RMND5A: variants seen among roughly 807,000 people sequenced by gnomAD.
RMND5A encodes required for meiotic nuclear division 5 homolog A.
Under a neutral mutation model 49.7 loss-of-function variants are expected in RMND5A, and 17 were observed. The ratio of observed to expected loss-of-function variants is 0.34; its 90% CI spans 0.23 to 0.51. RMND5A has a LOEUF of 0.51. Ranked by LOEUF, RMND5A falls within the 20% of genes least tolerant of loss-of-function variation. The pLI is 0.96. For synonymous variants in RMND5A, 156 were observed against 167.7 expected (o/e 0.93, Z 0.54); for missense variants, 255 against 471.3 (o/e 0.54, Z 4.25).
At chr2:86,752,069 A>C (rs1210130820) in intron 3 of RMND5A, 39 bp downstream of exon 3, 3 of 1,603,530 alleles carry the variant, frequency 1.9e-6, no homozygotes, top group Admixed American at 3.4e-5. Context: ...AAAAAGAAAC[A>C]AGGGAACTCC....
rs1672767890 is a variant in RMND5A, at chr2:86,776,312, CTT to C, written c.*2903_*2904del. 1 of 152,028 alleles carries C rather than the reference CTT, an allele frequency of 6.6e-6. No homozygotes were observed. The highest frequency in any genetic ancestry group is 1.5e-5 in the Non-Finnish European group (1 of 68,000). The allele number at this position is 152,028 out of a possible 1,614,324, so 9.4% of individuals were successfully genotyped here. ...CATAAATGAACGGGTATTGGTGCCT[CTT>C]TATTTTAAAAAATTTGAAGAAAAGA... On this transcript the variant is annotated 3_prime_UTR_variant, in exon 9 of 9. Transcript: ENST00000283632.
chr2:86,750,956 A>G (rs532070957), intron 2 of RMND5A, among the ~76,000 whole-genome samples: 11 of 152,038 alleles, frequency 7.2e-5, no homozygotes, highest in African/African-American at 2.7e-4. Flanking sequence ...TTGTATTTTT[A>G]TAATAACTGC....
At position 86,753,911 on chromosome 2, in the gene RMND5A, G is replaced by T. The variant is rs866436676; in HGVS notation, c.521+353G>T. 5.3e-5 allele frequency among the ~76,000 whole-genome samples: 8 copies of T among 152,286 alleles called. 1 individual carries two copies. Among genetic ancestry groups the T allele is most frequent in the Middle Eastern group, 6.8e-3 (2 of 294 alleles). On this transcript the variant is annotated intron_variant, in intron 4 of 8. Coordinates refer to ENST00000283632, the MANE Select transcript of RMND5A (RefSeq NM_022780.4). ...AAGCTTCCTTCATGTGCTGGGTTTT[G>T]CTGGGTTTTATGCTAGCATTCTAAG... is the stretch of plus-strand genomic sequence containing the variant.
rs1681331708 is a variant in RMND5A at position 86,729,694 on chromosome 2, GC to G, written c.142+8886del. Among the ~76,000 whole-genome samples, 2 of 93,338 alleles carry G rather than the reference GC, an allele frequency of 2.1e-5. 1 individual carries two copies. The highest frequency in any genetic ancestry group is 5.2e-5 in the Non-Finnish European group (2 of 38,578). The allele number at this position is 93,338 out of a possible 152,430, so 61.2% of individuals were successfully genotyped here. A position where few individuals can be genotyped will look rare whatever the true frequency, so the allele number is the denominator to read the frequency against. On this transcript the variant is annotated intron_variant, in intron 1 of 8. Coordinates refer to ENST00000283632, the MANE Select transcript of RMND5A (RefSeq NM_022780.4). ...GATGGAGTGCCTGGAGGGGAGGATGGCAAGAACAAAGGTGTAGAGGAGTGAG... is the reference window on the plus strand; with the variant it reads ...GATGGAGTGCCTGGAGGGGAGGATGGAAGAACAAAGGTGTAGAGGAGTGAG...
At chr2:86,767,686 A>C (rs560824544) in intron 6 of RMND5A, among the ~76,000 whole-genome samples, 35 of 152,364 alleles carry the variant, frequency 2.3e-4, no homozygotes, top group Middle Eastern at 3.4e-3. Context: ...AGTACAAGAC[A>C]GACAAATGGA....
At chr2:86,747,745 T>C (rs1681561969) in intron 2 of RMND5A, among the ~76,000 whole-genome samples, 1 of 152,192 alleles carries the variant, frequency 6.6e-6, no homozygotes, top group South Asian at 2.1e-4. Context: ...GAGAAACGGA[T>C]GGGTTTTTGA....
intron 4 of RMND5A, among the ~76,000 whole-genome samples, chr2:86,761,146 A>G (rs1672481568): frequency 6.6e-6 from 1 of 152,178 alleles, no homozygotes; most frequent in African/African-American, 2.4e-5. Flanking sequence ...GACTAAAGCT[A>G]TCTGAGGAAG....
chr2:86,767,541 G>T (rs1672621799), intron 6 of RMND5A, among the ~76,000 whole-genome samples: 1 of 151,566 alleles, frequency 6.6e-6, no homozygotes, highest in Non-Finnish European at 1.5e-5. Flanking sequence ...TCAGGCTCCT[G>T]AGTAGCTGGG....
chr2:86,751,052 C>T (rs1681625791), intron 2 of RMND5A, among the ~76,000 whole-genome samples: 1 of 152,058 alleles, frequency 6.6e-6, no homozygotes, highest in Non-Finnish European at 1.5e-5. Flanking sequence ...TTGAGATTTT[C>T]TTGGTTCTTT....
intron 6 of RMND5A, among the ~76,000 whole-genome samples, chr2:86,768,289 T>C (rs996952083): frequency 1.3e-5 from 2 of 152,250 alleles, no homozygotes; most frequent in South Asian, 4.1e-4. Flanking sequence ...ATTCATTTAA[T>C]TCCACAAATG....
intron 1 of RMND5A, among the ~76,000 whole-genome samples, chr2:86,725,331 G>T (rs1329340295): frequency 6.8e-6 from 1 of 146,984 alleles, no homozygotes; most frequent in South Asian, 2.2e-4. Flanking sequence ...TTCTACTCTT[G>T]TTCCTGGACC....
intron 1 of RMND5A, among the ~76,000 whole-genome samples, chr2:86,726,150 G>A (rs531302339): frequency 2.7e-5 from 2 of 73,686 alleles, no homozygotes; most frequent in South Asian, 7.1e-4. Flanking sequence ...GAGGTTGAGG[G>A]TCGCATGTTA....
rs748160763 is a variant in RMND5A at position 86,777,113 on chromosome 2, A to G, written c.*3702A>G. 4 of 152,238 alleles carry G rather than the reference A, an allele frequency of 2.6e-5. No homozygotes were observed. Among genetic ancestry groups the G allele is most frequent in the Non-Finnish European group, 4.4e-5 (3 of 68,042 alleles). 9.4% of individuals were successfully genotyped at this position (152,238 alleles called of 1,614,324 possible). Reference sequence around the variant, plus strand: ...TCCACTGTTGATTTTACTTCAAGACATAGCAAGAGAAACAAAATTTTGTTT... The same window carrying G: ...TCCACTGTTGATTTTACTTCAAGACGTAGCAAGAGAAACAAAATTTTGTTT... On this transcript the variant is annotated 3_prime_UTR_variant, in exon 9 of 9. Coordinates refer to ENST00000283632, the MANE Select transcript of RMND5A (RefSeq NM_022780.4).
At chr2:86,743,441 G>C (rs1274674553) in intron 2 of RMND5A, among the ~76,000 whole-genome samples, 1 of 150,604 alleles carries the variant, frequency 6.6e-6, no homozygotes, top group East Asian at 2.0e-4. Context: ...CAAAAAAATT[G>C]GGGTGTTTTT....
chr2:86,720,967 C>T (rs1407615362), intron 1 of RMND5A, 158 bp downstream of exon 1: 6 of 591,906 alleles, frequency 1.0e-5, no homozygotes, highest in South Asian at 9.9e-5. Flanking sequence ...TTTTTCCCCT[C>T]TTCGTCCGAT....
chr2:86,756,931 T>C (rs1681749574), intron 4 of RMND5A, among the ~76,000 whole-genome samples: 1 of 151,998 alleles, frequency 6.6e-6, no homozygotes, highest in South Asian at 2.1e-4. Flanking sequence ...CCCAGCACTT[T>C]GGGAGGCCAA....
chr2:86,767,202 T>C (rs1672613143), intron 6 of RMND5A, among the ~76,000 whole-genome samples: 1 of 152,166 alleles, frequency 6.6e-6, no homozygotes, highest in South Asian at 2.1e-4. Context: ...TAGCTGGGAT[T>C]ACAGGCGCCT....
intron 4 of RMND5A, among the ~76,000 whole-genome samples, chr2:86,756,457 A>G (rs1177929314): frequency 2.0e-5 from 3 of 152,196 alleles, no homozygotes; most frequent in Non-Finnish European, 2.9e-5. Flanking sequence ...ACTTGGTATA[A>G]CCCAGTGTTT....
Position 86,775,331 on chromosome 2 carries a change from T to TC in RMND5A, c.*1920_*1921insC, listed in dbSNP as rs1258778813. 9 of 145,208 alleles carry TC rather than the reference T, an allele frequency of 6.2e-5. No individual in the cohort carries two copies. Among genetic ancestry groups the TC allele is most frequent in the Non-Finnish European group, 1.2e-4 (8 of 65,464 alleles). The allele number at this position is 145,208 out of a possible 1,614,324, so 9.0% of individuals were successfully genotyped here. A position where few individuals can be genotyped will look rare whatever the true frequency, so the allele number is the denominator to read the frequency against. On this transcript the variant is annotated 3_prime_UTR_variant, in exon 9 of 9. Transcript: ENST00000283632. Reference sequence around the variant, plus strand: ...AGTGTTGTATTTTTCTTTCTTTCTTTTTTTTTTTTTTTTTTTTTACCCTTT... The same window carrying TC: ...AGTGTTGTATTTTTCTTTCTTTCTTTCTTTTTTTTTTTTTTTTTTACCCTTT...
Sources: allele counts gnomAD v4.1 joint callset (sites outside exome capture counted in the v4.1 genomes callset), GRCh38; gene constraint gnomAD v4.1.1; transcripts MANE v1.5; gene names NCBI Gene and HGNC (gene_info 2026-07-23, HGNC 2026-07-21).